Variants in HORMAD2 observed in about 807,000 individuals in gnomAD.
HORMAD2 encodes HORMA domain-containing protein 2.
Under a neutral mutation model 38.8 loss-of-function variants are expected in HORMAD2, and 45 were observed. The observed-to-expected ratio is 1.16, with a 90% CI of 0.91 to 1.49. The LOEUF (loss-of-function observed/expected upper bound fraction) is 1.49, where lower values mean the gene tolerates loss of function less well. HORMAD2 is among the 40% of genes most tolerant of loss of function. The pLI is 0.00. For missense variants in HORMAD2, 338 were observed against 367.0 expected, an observed-to-expected ratio of 0.92 and a Z score of 0.65; for synonymous variants, 126 against 122.8, an observed-to-expected ratio of 1.03 and a Z score of -0.17.
chr22:30,199,212 G>C, the HORMAD2 span, among the ~76,000 whole-genome samples: 1 of 152,232 alleles, frequency 6.6e-6, no homozygotes. Flanking sequence ...GGCAGAACTA[G>C]CCAAAGAAAC....
chr22:30,109,358 C>T (rs1921455586), intron 5 of HORMAD2, among the ~76,000 whole-genome samples: 1 of 151,222 alleles, frequency 6.6e-6, no homozygotes, highest in Non-Finnish European at 1.5e-5. Flanking sequence ...CACTCTGTTG[C>T]TTAGGCTGGA....
At chr22:30,118,890 C>T in intron 7 of HORMAD2, 90 bp from the exon 8 acceptor site, 2 of 794,216 alleles carry the variant, frequency 2.5e-6, no homozygotes, top group Non-Finnish European at 4.2e-6. Context: ...AGTAGATATA[C>T]AGTGAAAATG....
chr22:30,195,897 G>C, the HORMAD2 span, among the ~76,000 whole-genome samples: 20 of 152,324 alleles, frequency 1.3e-4, no homozygotes, highest in Middle Eastern at 3.4e-3. Context: ...ATGGCCGAAG[G>C]GGGTGGGGAG....
chr22:30,203,706 C>T, the HORMAD2 span, among the ~76,000 whole-genome samples: 2 of 152,320 alleles, frequency 1.3e-5, no homozygotes, highest in Admixed American at 6.5e-5. Context: ...CACCTTCTCA[C>T]ACATTCTCAA....
At chr22:30,193,764 G>C in the HORMAD2 span, among the ~76,000 whole-genome samples, 26 of 152,222 alleles carry the variant, frequency 1.7e-4, no homozygotes, top group African/African-American at 6.0e-4. Context: ...GGGCTACCTG[G>C]CTGTAGTATA....
intron 10 of HORMAD2, among the ~76,000 whole-genome samples, chr22:30,175,818 G>C (rs1190739802): frequency 1.3e-5 from 2 of 152,132 alleles, no homozygotes; most frequent in Non-Finnish European, 2.9e-5. Context: ...ATTCACTAGA[G>C]AGAGCCAAGA....
At chr22:30,104,348 T>G (rs1921027310) in intron 4 of HORMAD2, 53 bp from the exon 5 acceptor site, 1 of 1,474,122 alleles carries the variant, frequency 6.8e-7, no homozygotes, top group South Asian at 1.2e-5. Flanking sequence ...TACTTGGAAT[T>G]TTTTTGGATT....
intron 10 of HORMAD2, among the ~76,000 whole-genome samples, chr22:30,139,291 CTG>C (rs1837742686): frequency 2.9e-5 from 3 of 102,810 alleles, no homozygotes; most frequent in Admixed American, 9.0e-5. Flanking sequence ...TATATATCCT[CTG>C]TCTCTCTCTC....
At chr22:30,161,945 C>T (rs1925466980) in intron 10 of HORMAD2, among the ~76,000 whole-genome samples, 1 of 152,124 alleles carries the variant, frequency 6.6e-6, no homozygotes, top group South Asian at 2.1e-4. Flanking sequence ...ATACAATTTA[C>T]ACATGAATAC....
At chr22:30,129,638 TA>T (rs1359968035) in intron 10 of HORMAD2, among the ~76,000 whole-genome samples, 1 of 152,064 alleles carries the variant, frequency 6.6e-6, no homozygotes, top group Non-Finnish European at 1.5e-5. Flanking sequence ...GAAAAAAGGA[TA>T]AATTGGTACT....
intron 1 of HORMAD2, among the ~76,000 whole-genome samples, chr22:30,092,764 T>C (rs1367273959): frequency 6.6e-6 from 1 of 152,212 alleles, no homozygotes. Context: ...CCAATGTATG[T>C]TCTTGGTGAC....
chr22:30,099,423 C>A (rs1272124208), intron 3 of HORMAD2, among the ~76,000 whole-genome samples: 2 of 152,200 alleles, frequency 1.3e-5, no homozygotes, highest in African/African-American at 4.8e-5. Flanking sequence ...GCCAAACTCA[C>A]TTGTTGATTA....
intron 10 of HORMAD2, among the ~76,000 whole-genome samples, chr22:30,125,591 A>G (rs901104536): frequency 2.6e-5 from 4 of 151,982 alleles, no homozygotes; most frequent in Admixed American, 6.6e-5. Context: ...ATATAGTCTA[A>G]TCTTTTCCTT....
intron 8 of HORMAD2, among the ~76,000 whole-genome samples, chr22:30,121,130 G>T (rs919986971): frequency 6.6e-6 from 1 of 152,238 alleles, no homozygotes; most frequent in Non-Finnish European, 1.5e-5. Context: ...GATAGCCACT[G>T]TAGTAATCAA....
At chr22:30,127,459 G>A (rs898162507) in intron 10 of HORMAD2, among the ~76,000 whole-genome samples, 1 of 151,874 alleles carries the variant, frequency 6.6e-6, no homozygotes, top group African/African-American at 2.4e-5. Context: ...CGCCCACCTC[G>A]GCCTCCCAAA....
chr22:30,192,841 G>A, the HORMAD2 span, among the ~76,000 whole-genome samples: 2 of 152,122 alleles, frequency 1.3e-5, no homozygotes, highest in African/African-American at 4.8e-5. Flanking sequence ...CATCCCCAGA[G>A]GTGATGGATC....
At chr22:30,106,901 T>C (rs1452419345) in intron 5 of HORMAD2, among the ~76,000 whole-genome samples, 2 of 152,240 alleles carry the variant, frequency 1.3e-5, no homozygotes, top group Admixed American at 1.3e-4. Context: ...AAAACACATG[T>C]TGTGAAGCCT....
intron 10 of HORMAD2, among the ~76,000 whole-genome samples, chr22:30,158,393 TC>T (rs1293774204): frequency 6.6e-6 from 1 of 152,212 alleles, no homozygotes; most frequent in African/African-American, 2.4e-5. Flanking sequence ...GTTAGACCCT[TC>T]CTAATCAGGA....
At chr22:30,186,864 A>G in the HORMAD2 span, among the ~76,000 whole-genome samples, 10 of 150,956 alleles carry the variant, frequency 6.6e-5, no homozygotes, top group South Asian at 2.1e-3. Context: ...TTTAGGAGAC[A>G]ATAAGGCTTG....
Sources: allele counts gnomAD v4.1 joint callset (sites outside exome capture counted in the v4.1 genomes callset), GRCh38; gene constraint gnomAD v4.1.1; transcripts MANE v1.5; gene names NCBI Gene and HGNC (gene_info 2026-07-23, HGNC 2026-07-21).